Variants in IPO7 observed in about 807,000 individuals in gnomAD.
IPO7 encodes importin 7, also known as importin-7.
In IPO7, 13 loss-of-function variants were observed where a neutral mutation model predicts 136.4. That is an observed-to-expected ratio of 0.10 (90% CI 0.06 to 0.15). IPO7 has a LOEUF of 0.15. IPO7 is among the 10% of genes least tolerant of loss of function. The pLI is 1.00. For missense variants in IPO7, 857 were observed against 1,240.6 expected (o/e 0.69, Z 4.65); for synonymous variants, 403 against 404.4 (o/e 1.00, Z 0.04).
intron 8 of IPO7, among the ~76,000 whole-genome samples, chr11:9,422,450 T>G (rs1340772216): frequency 6.6e-6 from 1 of 152,054 alleles, no homozygotes; most frequent in African/African-American, 2.4e-5. Flanking sequence ...TGAAAGTAGC[T>G]TTAAACTAGT....
chr11:9,445,415 G>T lies in IPO7; in HGVS notation c.*221G>T. 7.6e-6 allele frequency: 3 copies of T among 396,820 alleles called. No individual in the cohort carries two copies. The highest frequency in any genetic ancestry group is 1.4e-5 in the Non-Finnish European group (3 of 220,618). 24.6% of individuals were successfully genotyped at this position (396,820 alleles called of 1,614,324 possible). On this transcript the variant is annotated 3_prime_UTR_variant, in exon 25 of 25. Transcript: ENST00000379719. ...GGGGGGGATGGGAGGTACCTTAGAGGGAGTATTTTCTTTATTTTTTGAAGA... is the reference window on the plus strand; with the variant it reads ...GGGGGGGATGGGAGGTACCTTAGAGTGAGTATTTTCTTTATTTTTTGAAGA...
chr11:9,387,482 C>T (rs1313540696), intron 1 of IPO7, among the ~76,000 whole-genome samples: 3 of 152,206 alleles, frequency 2.0e-5, no homozygotes, highest in African/African-American at 7.2e-5. Context: ...TATCTCCTTT[C>T]ACTTGTTTTT....
At chr11:9,399,256 G>A (rs985510006) in intron 1 of IPO7, among the ~76,000 whole-genome samples, 5 of 150,996 alleles carry the variant, frequency 3.3e-5, no homozygotes, top group African/African-American at 9.7e-5. Flanking sequence ...CTCTGTCTCC[G>A]GGTTCAAGCG....
At position 9,445,295 on chromosome 11, in the gene IPO7, A is replaced by G; in HGVS notation, c.*101A>G. On this transcript the variant is annotated 3_prime_UTR_variant, in exon 25 of 25. Transcript: ENST00000379719. ...TCATGTTATCTATTCTAAACTAATA[A>G]TCAATAGATGGACAAAAGAAACAAC... 2 of 665,906 alleles carry G rather than the reference A, an allele frequency of 3.0e-6. No homozygotes were observed. The highest frequency in any genetic ancestry group is 5.2e-6 in the Non-Finnish European group (2 of 381,440). 41.2% of individuals were successfully genotyped at this position (665,906 alleles called of 1,614,324 possible). A position where few individuals can be genotyped will look rare whatever the true frequency, so the allele number is the denominator to read the frequency against.
In IPO7 at chr11:9,391,093, GT is replaced by G. The variant is rs562724488; in HGVS notation, c.84+6255del. On this transcript the variant is annotated intron_variant, in intron 1 of 24. Coordinates refer to ENST00000379719, the MANE Select transcript of IPO7 (RefSeq NM_006391.3). The stretch of plus-strand genomic sequence containing the variant: ...CTGCTAAATGATTTCTAATAAAAAA[GT>G]TTTTTTTTAAAGTTCCTAGTTGGAG... Among the ~76,000 whole-genome samples the G allele has an allele frequency of 1.3e-4, 19 of 151,184 alleles. No homozygotes were observed. In the South Asian group the frequency reaches 1.9e-3, roughly 15 times the overall value.
intron 24 of IPO7, 107 bp from the exon 25 acceptor site, chr11:9,444,990 C>A: frequency 1.4e-6 from 1 of 705,022 alleles, no homozygotes. Context: ...TTGGAACTTC[C>A]TGGCCACTAA....
intron 1 of IPO7, among the ~76,000 whole-genome samples, chr11:9,385,904 A>C (rs1367978467): frequency 6.6e-6 from 1 of 152,254 alleles, no homozygotes; most frequent in African/African-American, 2.4e-5. Context: ...TCTGCCAGTT[A>C]GTAACTGTCC....
intron 24 of IPO7, among the ~76,000 whole-genome samples, chr11:9,444,132 G>A (rs1367698386): frequency 1.3e-5 from 2 of 151,562 alleles, no homozygotes; most frequent in African/African-American, 4.8e-5. Context: ...ACAAAAATTA[G>A]CTGGACATGG....
chr11:9,423,252 C>T, intron 9 of IPO7, 112 bp downstream of exon 9: 1 of 624,044 alleles, frequency 1.6e-6, no homozygotes, highest in Non-Finnish European at 2.7e-6. Context: ...TAGACTACTT[C>T]TGGTGATTGT....
At chr11:9,408,687 G>A in intron 3 of IPO7, 48 bp downstream of exon 3, 1 of 1,109,926 alleles carries the variant, frequency 9.0e-7, no homozygotes, top group Non-Finnish European at 1.2e-6. Flanking sequence ...GTAACTTTCA[G>A]GGTTTTTTGT....
chr11:9,426,628 C>A (rs1484620243), intron 12 of IPO7, among the ~76,000 whole-genome samples: 1 of 152,120 alleles, frequency 6.6e-6, no homozygotes, highest in East Asian at 1.9e-4. Context: ...TTATAGCCAT[C>A]CTAGTGAACG....
At chr11:9,440,425 T>C (rs1011795678) in intron 22 of IPO7, 30 bp from the exon 23 acceptor site, 2 of 1,548,178 alleles carry the variant, frequency 1.3e-6, no homozygotes, top group African/African-American at 2.7e-5. Context: ...ATGTCATTGT[T>C]ATAAAAGTAC....
Position 9,438,064 on chromosome 11 carries a change from T to TTG in IPO7, c.2490-15_2490-14insGT. On this transcript the variant is annotated splice_polypyrimidine_tract_variant and intron_variant, in intron 21 of 24. Transcript: ENST00000379719. ...AAAACAGTTTTTTTTTTTTTTTTTT[T>TTG]TTTTTTTTTTTTTAGGCTTCATGAC... 9.3e-7 allele frequency: 1 copy of TTG among 1,073,976 alleles called. No individual in the cohort carries two copies. Among genetic ancestry groups the TTG allele is most frequent in the Non-Finnish European group, 1.3e-6 (1 of 781,242 alleles). The allele number at this position is 1,073,976 out of a possible 1,614,324, so 66.5% of individuals were successfully genotyped here.
intron 1 of IPO7, among the ~76,000 whole-genome samples, chr11:9,399,166 C>CTTT (rs1209158342): frequency 2.2e-5 from 3 of 134,072 alleles, no homozygotes; most frequent in Non-Finnish European, 3.2e-5. Flanking sequence ...AAAATGGATG[C>CTTT]TTTTTTTTTT....
intron 12 of IPO7, 124 bp downstream of exon 12, chr11:9,425,386 T>A: frequency 4.5e-6 from 3 of 663,428 alleles, no homozygotes; most frequent in Non-Finnish European, 8.1e-6. Flanking sequence ...GCAGGCAGAT[T>A]GCCTGAGCCC....
At chr11:9,385,423 T>C (rs112074566) in intron 1 of IPO7, among the ~76,000 whole-genome samples, 6 of 152,264 alleles carry the variant, frequency 3.9e-5, no homozygotes, top group African/African-American at 1.4e-4. Context: ...CTTGGCAGGA[T>C]AGGAGTAGTG....
intron 13 of IPO7, 34 bp downstream of exon 13, chr11:9,428,663 T>C (rs1368376932): frequency 1.8e-6 from 2 of 1,099,048 alleles, no homozygotes; most frequent in African/African-American, 1.5e-5. Flanking sequence ...TATATACTTT[T>C]GTCTTGTAAT....
intron 9 of IPO7, among the ~76,000 whole-genome samples, chr11:9,423,344 T>G (rs539330328): frequency 3.9e-5 from 6 of 152,330 alleles, no homozygotes; most frequent in African/African-American, 1.4e-4. Context: ...ACTTATCTTT[T>G]AATCCAAAAC....
At chr11:9,417,913 A>G (rs1176813793) in intron 6 of IPO7, among the ~76,000 whole-genome samples, 1 of 151,826 alleles carries the variant, frequency 6.6e-6, no homozygotes, top group African/African-American at 2.4e-5. Context: ...GAGTTTCACC[A>G]TGTTGGCCAG....
Sources: gnomAD v4.1 joint callset for allele counts (sites outside exome capture counted in the v4.1 genomes callset) on GRCh38, gnomAD v4.1.1 for gene constraint, MANE v1.5 for transcripts, NCBI Gene and HGNC (gene_info 2026-07-23, HGNC 2026-07-21) for gene names.